The following HDAC7 variants were observed in gnomAD, a reference collection of about 807,000 sequenced individuals.
The protein encoded by HDAC7 is histone deacetylase 7.
A neutral mutation model predicts 115.5 loss-of-function variants in HDAC7; 26 were observed. That is an observed-to-expected ratio of 0.23 (90% CI 0.16 to 0.31). The LOEUF is 0.31. Among genes scored for constraint, HDAC7 ranks in the 10% least tolerant of loss-of-function variants. HDAC7 has a pLI of 1.00. For missense variants in HDAC7, 1,068 were observed against 1,329.0 expected (o/e 0.80, Z 3.05); for synonymous variants, 564 against 550.9 (o/e 1.02, Z -0.33).
Position 47,785,746 on chromosome 12 carries a change from G to A in HDAC7, c.2706+6C>T, listed in dbSNP as rs756915731. On this transcript the variant is annotated splice_donor_region_variant and intron_variant, in intron 23 of 25. Transcript: ENST00000080059. ...GAAGCATGGATGGGGGAGGGAGACG[G>A]CTCACCCTGTTACCCAGAAGAGCAG... The A allele has an allele frequency of 6.2e-7, 1 of 1,602,176 alleles. No homozygotes were observed. Among genetic ancestry groups the A allele is most frequent in the Non-Finnish European group, 8.5e-7 (1 of 1,174,286 alleles).
intron 7 of HDAC7, 129 bp downstream of exon 7, chr12:47,796,887 TG>T: frequency 9.6e-7 from 1 of 1,038,584 alleles, no homozygotes; most frequent in Non-Finnish European, 1.3e-6. Flanking sequence ...GGCAAGTGTG[TG>T]GGACACCCCC....
At chr12:47,796,811 T>G (rs946260728) in intron 7 of HDAC7, among the ~76,000 whole-genome samples, 1 of 152,188 alleles carries the variant, frequency 6.6e-6, no homozygotes, top group Non-Finnish European at 1.5e-5. Context: ...GGTGCCCCCT[T>G]TTCTGGGAGA....
In HDAC7 at chr12:47,793,335, C is replaced by CA; in HGVS notation, c.1678+33_1678+34insT. On this transcript the variant is annotated intron_variant, in intron 13 of 25. Transcript: ENST00000080059. This position sits in a 1 kb window ranked among gnomAD's most constrained non-coding sequence, Gnocchi z 4.5. ...CACATGGACTCGTGCAGCCGAGCCCCTCCCTCCACCCGCCACCCTCCTCCC... is the reference window on the plus strand; with the variant it reads ...CACATGGACTCGTGCAGCCGAGCCCCATCCCTCCACCCGCCACCCTCCTCCC... The CA allele has an allele frequency of 9.0e-6, 12 of 1,332,038 alleles. No individual in the cohort carries two copies. Among genetic ancestry groups the CA allele is most frequent in the Non-Finnish European group, 1.0e-5 (10 of 975,436 alleles). The allele number at this position is 1,332,038 out of a possible 1,614,324, so 82.5% of individuals were successfully genotyped here. A position where few individuals can be genotyped will look rare whatever the true frequency, so the allele number is the denominator to read the frequency against.
In HDAC7 at chr12:47,795,344, T is replaced by C. The variant is rs1265807664; in HGVS notation, c.1124A>G (p.Gln375Arg). The C allele has an allele frequency of 6.2e-7, 1 of 1,608,288 alleles. No homozygotes were observed. Among genetic ancestry groups the C allele is most frequent in the East Asian group, 2.2e-5 (1 of 44,710 alleles). The change falls in exon 11 of 26, where the codon CAG (glutamine) becomes CGG (arginine). Residue 375 changes from glutamine to arginine, a missense_variant. Physicochemically the swap from Gln to Arg is conservative, Grantham distance 43. This residue lies in a region of HDAC7 where 618 missense variants were observed against 701.5 expected (regional missense o/e 0.88). Transcript: ENST00000080059. This position sits in a 1 kb window ranked among gnomAD's most constrained non-coding sequence, Gnocchi z 4.3. Reference sequence around the variant, plus strand: ...GAGCCGCTCGGTGGTCATTAAGGACTGGGCAAAGTGGAAGGGCAAGGGCCC... The same window carrying C: ...GAGCCGCTCGGTGGTCATTAAGGACCGGGCAAAGTGGAAGGGCAAGGGCCC... ...GLGPLPFHFA[Q>R]SLMTTERLSG...
intron 1 of HDAC7, 84 bp from the exon 2 acceptor site, chr12:47,802,358 G>C: frequency 1.3e-6 from 2 of 1,529,472 alleles, no homozygotes; most frequent in Non-Finnish European, 1.8e-6. Flanking sequence ...AGCCAGGCCT[G>C]CTCCCTGCCA....
At chr12:47,810,225 C>T (rs372459975) in intron 1 of HDAC7, among the ~76,000 whole-genome samples, 84 of 152,316 alleles carry the variant, frequency 5.5e-4, no homozygotes, top group African/African-American at 1.9e-3. Context: ...GGATTACAGG[C>T]GTGAACCACT....
At chr12:47,787,592 C>G in intron 21 of HDAC7, 120 bp downstream of exon 21, 1 of 666,796 alleles carries the variant, frequency 1.5e-6, no homozygotes. Flanking sequence ...CGTTCACCTA[C>G]AATGTCTAGG....
intron 16 of HDAC7, 192 bp from the exon 17 acceptor site, chr12:47,790,112 A>G (rs893107349): frequency 1.5e-5 from 9 of 591,754 alleles, no homozygotes; most frequent in African/African-American, 1.5e-4. Context: ...ACTTTTTCCC[A>G]GCTTAAGTCC....
intron 1 of HDAC7, among the ~76,000 whole-genome samples, chr12:47,805,282 G>A (rs1944352028): frequency 6.6e-6 from 1 of 151,250 alleles, no homozygotes; most frequent in South Asian, 2.1e-4. Context: ...TAGAGACGAA[G>A]TCTTCCCCTG....
chr12:47,808,511 G>A lies in HDAC7; in HGVS notation c.20-6237C>T, dbSNP rs577261251. Among the ~76,000 whole-genome samples the A allele has an allele frequency of 3.3e-5, 5 of 152,252 alleles. No homozygotes were observed. The South Asian group carries it at 6.2e-4, about 19-fold the overall frequency. ...TGAAGACCTGGCAGAACCTGAGGCCGGGGAGCTGGGCCATTCTGAGTTGCG... is the reference window on the plus strand; with the variant it reads ...TGAAGACCTGGCAGAACCTGAGGCCAGGGAGCTGGGCCATTCTGAGTTGCG... On this transcript the variant is annotated intron_variant, in intron 1 of 25. Coordinates refer to ENST00000080059, the MANE Select transcript of HDAC7 (RefSeq NM_015401.5).
intron 22 of HDAC7, 105 bp downstream of exon 22, chr12:47,786,480 G>T: frequency 1.3e-6 from 1 of 778,192 alleles, no homozygotes; most frequent in Non-Finnish European, 2.2e-6. Flanking sequence ...GAAAGCCCTG[G>T]GCTGGCCACT....
In HDAC7 at chr12:47,803,700, G is replaced by A. The variant is rs1378966400; in HGVS notation, c.20-1426C>T. ...CATGCCCATCTGCACCAAACACCTC[G>A]CAGGGCACGTGGCAGGCTCTGTTAG... is the stretch of plus-strand genomic sequence containing the variant. On this transcript the variant is annotated intron_variant, in intron 1 of 25. Coordinates refer to ENST00000080059, the MANE Select transcript of HDAC7 (RefSeq NM_015401.5). This position sits in a 1 kb window ranked among gnomAD's most constrained non-coding sequence, Gnocchi z 4.0. 2.6e-5 allele frequency among the ~76,000 whole-genome samples: 4 copies of A among 152,038 alleles called. No individual in the cohort carries two copies. Among genetic ancestry groups the A allele is most frequent in the Non-Finnish European group, 2.9e-5 (2 of 67,990 alleles).
intron 2 of HDAC7, chr12:47,799,184 A>G: frequency 1.9e-6 from 1 of 517,852 alleles, no homozygotes; most frequent in Non-Finnish European, 3.4e-6. Flanking sequence ...TGAACTGTGC[A>G]CAGTAACACT....
At position 47,783,049 on chromosome 12, in the gene HDAC7, C is replaced by G. The variant is rs1442549189; in HGVS notation, c.*792G>C. Reference sequence around the variant, plus strand: ...GGAATCAGAGCTATGGTGGGGGAGGCCCCAGAAACAGAGAAGGCTCCCCGA... The same window carrying G: ...GGAATCAGAGCTATGGTGGGGGAGGGCCCAGAAACAGAGAAGGCTCCCCGA... On this transcript the variant is annotated 3_prime_UTR_variant, in exon 26 of 26. Transcript: ENST00000080059. 6.6e-6 allele frequency: 1 copy of G among 152,576 alleles called. No individual in the cohort carries two copies. The highest frequency in any genetic ancestry group is 2.4e-5 in the African/African-American group (1 of 41,410). The allele number at this position is 152,576 out of a possible 1,614,324, so 9.5% of individuals were successfully genotyped here.
intron 1 of HDAC7, among the ~76,000 whole-genome samples, chr12:47,806,802 G>A (rs1052390391): frequency 1.3e-5 from 2 of 152,130 alleles, no homozygotes; most frequent in Non-Finnish European, 2.9e-5. Context: ...TTGTGGTAGC[G>A]AGTATTAGTT....
chr12:47,788,021 GA>G (rs755105481), intron 20 of HDAC7, 23 bp downstream of exon 20: 2 of 1,602,386 alleles, frequency 1.2e-6, no homozygotes, highest in East Asian at 4.5e-5. Context: ...GAGGCTGGAA[GA>G]TGTGGCCCTG....
At chr12:47,792,263 C>T in intron 13 of HDAC7, 1 of 533,642 alleles carries the variant, frequency 1.9e-6, no homozygotes, top group Non-Finnish European at 3.3e-6. Context: ...ACATGGCTGC[C>T]ACAGAGCCAC....
Position 47,785,955 on chromosome 12 carries a change from C to T in HDAC7, c.2573-70G>A, listed in dbSNP as rs1214311311. 7 of 1,429,348 alleles carry T rather than the reference C, an allele frequency of 4.9e-6. No homozygotes were observed. The Admixed American group carries it at 1.5e-4, about 30-fold the overall frequency. The allele number at this position is 1,429,348 out of a possible 1,614,324, so 88.5% of individuals were successfully genotyped here. A position where few individuals can be genotyped will look rare whatever the true frequency, so the allele number is the denominator to read the frequency against. ...GTGACCCTGTTCTCTACCCCTGTGG[C>T]TTCCCTGCTTGCTTCCTCCCTAATA... On this transcript the variant is annotated intron_variant, in intron 22 of 25. Transcript: ENST00000080059.
At chr12:47,791,175 T>G in intron 16 of HDAC7, 84 bp downstream of exon 16, 3 of 1,305,930 alleles carry the variant, frequency 2.3e-6, no homozygotes, top group African/African-American at 1.5e-5. Context: ...GCAGAGGTTC[T>G]GCAGGGGCTG....
Sources: allele counts gnomAD v4.1 joint callset (sites outside exome capture counted in the v4.1 genomes callset), GRCh38; gene constraint gnomAD v4.1.1; regional missense constraint gnomAD v4.1.1; non-coding constraint Gnocchi (gnomAD v3.1); transcripts MANE v1.5; gene names NCBI Gene and HGNC (gene_info 2026-07-23, HGNC 2026-07-21).